The following ATG9B variants were observed in gnomAD, a reference collection of about 807,000 sequenced individuals.
ATG9B encodes the protein autophagy related 9B.
Under a neutral mutation model 92.9 loss-of-function variants are expected in ATG9B, and 92 were observed. The ratio of observed to expected loss-of-function variants is 0.99; its 90% CI spans 0.84 to 1.18. The LOEUF (loss-of-function observed/expected upper bound fraction) is 1.18. ATG9B is among the 50% of genes most tolerant of loss of function. The probability of loss-of-function intolerance (pLI) is 0.00; values close to 1 mark genes in which losing one functional copy is unlikely to be tolerated. For synonymous variants in ATG9B, 599 were observed against 551.4 expected (o/e 1.09, Z -1.21); for missense variants, 1,344 against 1,235.0 (o/e 1.09, Z -1.32).
rs1795465703 is a variant in ATG9B, at chr7:151,016,030, A to G, written c.2648-7T>C. 6.4e-7 allele frequency: 1 copy of G among 1,550,532 alleles called. No homozygotes were observed. Among genetic ancestry groups the G allele is most frequent in the Non-Finnish European group, 8.7e-7 (1 of 1,146,408 alleles). On this transcript the variant is annotated splice_region_variant and splice_polypyrimidine_tract_variant and intron_variant, in intron 12 of 13. Transcript: ENST00000639579. ...CTAGAGGCAGGACTGGAGCCTGGTGAAAAAGGCCATCAGCTGGGCAGTTCC... is the reference window on the plus strand; with the variant it reads ...CTAGAGGCAGGACTGGAGCCTGGTGGAAAAGGCCATCAGCTGGGCAGTTCC...
At chr7:151,013,613 C>T, downstream of ATG9B, 4 of 1,122,012 alleles carry the variant, frequency 3.6e-6, no homozygotes, top group African/African-American at 1.6e-5. Context: ...GGCACGCAGG[C>T]CCCACCAGGC....
Position 151,016,167 on chromosome 7 carries a change from G to A in ATG9B, c.2589C>T (p.Cys863=). Residue 863 remains cysteine (C), a synonymous_variant, in exon 12 of 14, where the codon TGC becomes TGT. Coordinates refer to ENST00000639579, the MANE Select transcript of ATG9B (RefSeq NM_001317056.2). ...EAAASILSRP[C]SSPSQPPSPD... Reference sequence around the variant, plus strand: ...GCGAGGGTGGCTGTGAGGGGCTGGAGCAGGGCCTGGACAGGATGGAGGCTG... The same window carrying A: ...GCGAGGGTGGCTGTGAGGGGCTGGAACAGGGCCTGGACAGGATGGAGGCTG... 1 of 1,539,366 alleles carries A rather than the reference G, an allele frequency of 6.5e-7. No individual in the cohort carries two copies. The highest frequency in any genetic ancestry group is 8.8e-7 in the Non-Finnish European group (1 of 1,140,040).
chr7:151,013,882 G>C, downstream of ATG9B: 2 of 1,601,510 alleles, frequency 1.2e-6, no homozygotes, highest in Non-Finnish European at 1.7e-6. Flanking sequence ...GCGACATGGA[G>C]CTGGACGAGG....
Position 151,018,687 on chromosome 7 carries a change from C to G in ATG9B, c.1651G>C (p.Asp551His), listed in dbSNP as rs1199985242. ...AGCACGTGCTCCACGGCTAGCACGT[C>G]CTCGTCGTAGACGGTGAGCACAAGC... ...ALLVLTVYDE[D>H]VLAVEHVLTA... Residue 551 changes from aspartate (D) to histidine (H), a missense_variant, in exon 6 of 14, where the codon GAC (aspartate) becomes CAC (histidine). By Grantham distance (81) the Asp-to-His change is moderately conservative (BLOSUM62 -1). Coordinates refer to ENST00000639579, the MANE Select transcript of ATG9B (RefSeq NM_001317056.2). The surrounding 1 kb of genome is among the most constrained non-coding windows in gnomAD (Gnocchi z 4.7). The G allele has an allele frequency of 1.7e-5, 28 of 1,605,564 alleles. No individual in the cohort carries two copies. Among genetic ancestry groups the G allele is most frequent in the Non-Finnish European group, 2.4e-5 (28 of 1,178,184 alleles).
rs543003630 is a variant in ATG9B, at chr7:151,024,357, C to T, written c.67G>A (p.Gly23Arg). 28 of 1,392,740 alleles carry T rather than the reference C, an allele frequency of 2.0e-5. No individual in the cohort carries two copies. Among genetic ancestry groups the T allele is most frequent in the Middle Eastern group, 2.0e-4 (1 of 5,078 alleles). 86.3% of individuals were successfully genotyped at this position (1,392,740 alleles called of 1,614,324 possible). ...GGCATGGGGAGGAGGGGCACCGATC[C>T]GGGCCCCAGATCTCCCCACCGCCCC... ...RLGRWGDLGP[G>R]SVPLLPMPLP... The change falls in exon 1 of 14, where the codon GGA becomes AGA. Residue 23 changes from glycine (G) to arginine (R), a missense_variant. Transcript: ENST00000639579.
chr7:151,016,543 A>G lies in ATG9B; in HGVS notation c.2424-16T>C, dbSNP rs1418980349. The G allele has an allele frequency of 2.6e-6, 4 of 1,549,200 alleles. No individual in the cohort carries two copies. Among genetic ancestry groups the G allele is most frequent in the Non-Finnish European group, 8.7e-7 (1 of 1,146,238 alleles). On this transcript the variant is annotated splice_polypyrimidine_tract_variant and intron_variant, in intron 10 of 13. Coordinates refer to ENST00000639579, the MANE Select transcript of ATG9B (RefSeq NM_001317056.2). ...GGACACAGAGCTGGAACATAACATGAAGCAGGTCAAAAGTCATGCCCTCCT... is the reference window on the plus strand; with the variant it reads ...GGACACAGAGCTGGAACATAACATGGAGCAGGTCAAAAGTCATGCCCTCCT...
At chr7:151,014,113 C>T (rs770226032), downstream of ATG9B, 5 of 1,613,320 alleles carry the variant, frequency 3.1e-6, no homozygotes, top group East Asian at 4.5e-5. Context: ...GCGTCAGTTG[C>T]GGGGCGCAGT....
chr7:151,019,407 CCCATTCCT>C (rs775977644), intron 5 of ATG9B, 33 bp from the exon 6 acceptor site: 47 of 1,496,880 alleles, frequency 3.1e-5, no homozygotes, highest in Non-Finnish European at 4.1e-5. Flanking sequence ...CCAGCGACCC[CCCATTCCT>C]CTCCACAGTG....
At chr7:151,016,283 G>A (rs1323161687) in intron 11 of ATG9B, 48 bp from the exon 12 acceptor site, 2 of 1,474,782 alleles carry the variant, frequency 1.4e-6, no homozygotes, top group African/African-American at 2.8e-5. Context: ...AGGAGGGCAG[G>A]GCCAAGCACC....
chr7:151,013,400 A>C (rs1415036262), downstream of ATG9B: 1 of 1,602,046 alleles, frequency 6.2e-7, no homozygotes, highest in East Asian at 2.2e-5. Context: ...CTGAGGGCGC[A>C]ATGGTAACCT....
chr7:151,014,241 C>T, downstream of ATG9B: 1 of 1,406,926 alleles, frequency 7.1e-7, no homozygotes, highest in Non-Finnish European at 9.6e-7. Context: ...CCAGGATCAG[C>T]CCCGCTCCTC....
chr7:151,016,944 C>T, intron 9 of ATG9B, 92 bp downstream of exon 9: 1 of 1,495,862 alleles, frequency 6.7e-7, no homozygotes, highest in Non-Finnish European at 9.0e-7. Flanking sequence ...GCTGGTGAGG[C>T]AGGTTACTAC....
At position 151,019,259 on chromosome 7, in the gene ATG9B, C is replaced by T. The variant is rs765604444; in HGVS notation, c.1079G>A (p.Arg360His). ...RPLTELDIHH[R>H]ILRYTNYQVA... Reference sequence around the variant, plus strand: ...CTGGTAGTTGGTGTAGCGCAGGATGCGGTGGTGGATGTCCAGCTCCGTCAG... The same window carrying T: ...CTGGTAGTTGGTGTAGCGCAGGATGTGGTGGTGGATGTCCAGCTCCGTCAG... Residue 360 changes from arginine to histidine, a missense_variant, in exon 6 of 14, where the codon CGC becomes CAC. Physicochemically the swap from Arg to His is conservative, Grantham distance 29 (BLOSUM62 0). Coordinates refer to ENST00000639579, the MANE Select transcript of ATG9B (RefSeq NM_001317056.2). 1.3e-6 allele frequency: 2 copies of T among 1,574,300 alleles called. No homozygotes were observed. The highest frequency in any genetic ancestry group is 1.7e-6 in the Non-Finnish European group (2 of 1,167,140).
Position 151,018,681 on chromosome 7 carries a change from G to A in ATG9B, c.1657C>T (p.Leu553=). Residue 553 remains leucine (L), a synonymous_variant, in exon 6 of 14, where the codon CTA becomes TTA. Coordinates refer to ENST00000639579, the MANE Select transcript of ATG9B (RefSeq NM_001317056.2). This position sits in a 1 kb window ranked among gnomAD's most constrained non-coding sequence, Gnocchi z 4.7. The part of the protein sequence containing the change: ...LVLTVYDEDV[L]AVEHVLTAMT... ...GCGGTGAGCACGTGCTCCACGGCTA[G>A]CACGTCCTCGTCGTAGACGGTGAGC... is the stretch of plus-strand genomic sequence containing the variant. The A allele has an allele frequency of 1.2e-6, 2 of 1,605,782 alleles. No individual in the cohort carries two copies. Among genetic ancestry groups the A allele is most frequent in the Non-Finnish European group, 1.7e-6 (2 of 1,178,420 alleles).
intron 5 of ATG9B, chr7:151,020,869 A>C: frequency 4.0e-6 from 1 of 250,822 alleles, no homozygotes; most frequent in Non-Finnish European, 7.8e-6. Flanking sequence ...CCCAACCCAA[A>C]TTCCTCCAGC....
rs1322951858 is a variant in ATG9B at position 151,019,042 on chromosome 7, T to G, written c.1296A>C (p.Ala432=). Reference sequence around the variant, plus strand: ...GCAGCACTGTGCGCCCCCAGCGCGCTGCTAGGGCGCCCCGCTGGTCGCTGC... The same window carrying G: ...GCAGCACTGTGCGCCCCCAGCGCGCGGCTAGGGCGCCCCGCTGGTCGCTGC... The part of the protein sequence containing the change: ...YKRSDQRGAL[A]ARWGRTVLLL... Residue 432 remains alanine (A), a synonymous_variant, in exon 6 of 14, where the codon GCA becomes GCC. Transcript: ENST00000639579. The G allele has an allele frequency of 8.4e-6, 13 of 1,541,670 alleles. No homozygotes were observed. The highest frequency in any genetic ancestry group is 2.0e-5 in the Admixed American group (1 of 51,026).
chr7:151,012,720 C>A, downstream of ATG9B: 1 of 450,064 alleles, frequency 2.2e-6, no homozygotes, highest in Non-Finnish European at 4.0e-6. Flanking sequence ...ATAGAATTTT[C>A]AAAGGGATTA....
chr7:151,013,085 ACT>A (rs374303124), downstream of ATG9B: 905 of 855,880 alleles, frequency 1.1e-3, 8 homozygotes, highest in African/African-American at 0.013. Flanking sequence ...AGCATTCTAC[ACT>A]CTCTTAGAGA....
At chr7:151,021,054 C>A in intron 5 of ATG9B, 134 bp downstream of exon 5, 1 of 1,025,036 alleles carries the variant, frequency 9.8e-7, no homozygotes, top group East Asian at 2.4e-5. Flanking sequence ...GGGCCTAGGG[C>A]AGGTGTCAAT....
Sources: allele counts gnomAD v4.1 joint callset, GRCh38; gene constraint gnomAD v4.1.1; non-coding constraint Gnocchi (gnomAD v3.1); transcripts MANE v1.5; gene names NCBI Gene and HGNC (gene_info 2026-07-23, HGNC 2026-07-21).